The following ADAMTSL1 variants were observed in gnomAD, a reference collection of about 807,000 sequenced individuals.
ADAMTSL1 encodes ADAMTS-like protein 1.
ADAMTSL1 carries 126 observed loss-of-function variants against 201.8 expected under a neutral mutation model. The ratio of observed to expected loss-of-function variants is 0.62; its 90% CI spans 0.54 to 0.72. ADAMTSL1 has a LOEUF of 0.72. Among genes scored for constraint, ADAMTSL1 ranks in the 30% least tolerant of loss-of-function variants. ADAMTSL1 has a pLI of 0.00. For missense variants in ADAMTSL1, 2,679 were observed against 2,277.8 expected (o/e 1.18, Z -3.59); for synonymous variants, 1,121 against 903.4 (o/e 1.24, Z -4.32).
At position 18,427,257 on chromosome 9, in the gene ADAMTSL1, G is replaced by A. The variant is rs969298522; in HGVS notation, c.208-77572G>A. Among the ~76,000 whole-genome samples, 9 of 152,338 alleles carry A rather than the reference G, an allele frequency of 5.9e-5. No individual in the cohort carries two copies. The East Asian group carries it at 1.5e-3, about 26-fold the overall frequency. ...CTATAGTTAGAAAGATCCCAGTTTA[G>A]ATTTGTACTAATCGACTTGCTGAAT... On this transcript the variant is annotated intron_variant, in intron 2 of 29. Coordinates refer to the ADAMTSL1 transcript ENST00000680146.
chr9:17,945,926 C>A (rs563359700), intron 1 of ADAMTSL1, among the ~76,000 whole-genome samples: 1 of 151,652 alleles, frequency 6.6e-6, no homozygotes, highest in African/African-American at 2.4e-5. Context: ...TGTAACTAAC[C>A]TGCACATGGT....
At chr9:18,472,827 C>G (rs1203999506), upstream of ADAMTSL1, among the ~76,000 whole-genome samples, 2 of 152,234 alleles carry the variant, frequency 1.3e-5, no homozygotes, top group African/African-American at 4.8e-5. Flanking sequence ...CCTGATGACA[C>G]ACCTATGGCA....
At chr9:18,719,466 G>A (rs1833189672) in intron 14 of ADAMTSL1, among the ~76,000 whole-genome samples, 3 of 152,072 alleles carry the variant, frequency 2.0e-5, no homozygotes, top group Admixed American at 2.0e-4. Flanking sequence ...CCATGTTTCA[G>A]CAATTCTCCT....
chr9:18,365,412 A>G (rs1449347586), intron 2 of ADAMTSL1, among the ~76,000 whole-genome samples: 2 of 152,166 alleles, frequency 1.3e-5, no homozygotes, highest in Non-Finnish European at 2.9e-5. Flanking sequence ...CAACAAAGCA[A>G]AGGATTGATT....
intron 13 of ADAMTSL1, among the ~76,000 whole-genome samples, chr9:18,705,171 A>C (rs1241379981): frequency 1.3e-5 from 2 of 152,208 alleles, no homozygotes; most frequent in African/African-American, 2.4e-5. Context: ...AACCATTTGC[A>C]CTTGCTAGCA....
At chr9:18,527,283 A>T (rs1819139179) in intron 2 of ADAMTSL1, among the ~76,000 whole-genome samples, 1 of 152,230 alleles carries the variant, frequency 6.6e-6, no homozygotes, top group Non-Finnish European at 1.5e-5. Context: ...TCAGAGATAA[A>T]GCCTGGGGTG....
At chr9:18,371,528 A>G (rs1370393570) in intron 2 of ADAMTSL1, among the ~76,000 whole-genome samples, 2 of 152,230 alleles carry the variant, frequency 1.3e-5, no homozygotes, top group Admixed American at 1.3e-4. Context: ...TTATAAATAT[A>G]TGTTTGCTAA....
chr9:18,637,022 GC>G (rs1827148808), intron 6 of ADAMTSL1, among the ~76,000 whole-genome samples: 1 of 152,068 alleles, frequency 6.6e-6, no homozygotes, highest in Non-Finnish European at 1.5e-5. Context: ...ACAAATTGAA[GC>G]CCATAAAAGT....
chr9:17,921,315 A>G (rs1826290007), intron 1 of ADAMTSL1, among the ~76,000 whole-genome samples: 1 of 152,154 alleles, frequency 6.6e-6, no homozygotes, highest in South Asian at 2.1e-4. Context: ...CCTACAGGCC[A>G]CATGGTTTGG....
chr9:18,705,909 G>GTGAT (rs1832204633), intron 13 of ADAMTSL1, among the ~76,000 whole-genome samples: 2 of 152,186 alleles, frequency 1.3e-5, no homozygotes, highest in African/African-American at 4.8e-5. Context: ...TGGAGTCACA[G>GTGAT]GGCAAACCCC....
At chr9:17,980,160 TTTTC>T (rs1348862729) in intron 1 of ADAMTSL1, among the ~76,000 whole-genome samples, 1 of 152,156 alleles carries the variant, frequency 6.6e-6, no homozygotes, top group Non-Finnish European at 1.5e-5. Context: ...TAAATGAGTA[TTTTC>T]TTAGTTCTGT....
intron 1 of ADAMTSL1, among the ~76,000 whole-genome samples, chr9:17,966,371 G>A (rs929587929): frequency 2.6e-5 from 4 of 152,090 alleles, no homozygotes; most frequent in Admixed American, 6.6e-5. Context: ...ATGACTTAAT[G>A]AAGTTGAAGG....
At chr9:18,353,698 G>A (rs1278587549) in intron 2 of ADAMTSL1, among the ~76,000 whole-genome samples, 1 of 152,104 alleles carries the variant, frequency 6.6e-6, no homozygotes, top group Non-Finnish European at 1.5e-5. Flanking sequence ...CTCCACCAGG[G>A]CACAATGGAA....
At chr9:18,492,216 C>T (rs1253845148) in intron 1 of ADAMTSL1, among the ~76,000 whole-genome samples, 3 of 152,020 alleles carry the variant, frequency 2.0e-5, no homozygotes, top group African/African-American at 7.2e-5. Flanking sequence ...ATAATACAAA[C>T]ATCACAGGAA....
chr9:18,403,986 C>T (rs937436879), intron 2 of ADAMTSL1, among the ~76,000 whole-genome samples: 6 of 151,998 alleles, frequency 3.9e-5, no homozygotes, highest in Non-Finnish European at 8.8e-5. Flanking sequence ...TTGAGTGCCC[C>T]GTGGAAGGAT....
intron 23 of ADAMTSL1, among the ~76,000 whole-genome samples, chr9:18,834,803 A>C (rs1309114833): frequency 6.6e-6 from 1 of 152,226 alleles, no homozygotes; most frequent in Non-Finnish European, 1.5e-5. Flanking sequence ...AACATGGATC[A>C]ACAGGGCATT....
chr9:18,361,868 C>T (rs763900276), intron 2 of ADAMTSL1, among the ~76,000 whole-genome samples: 10 of 152,172 alleles, frequency 6.6e-5, no homozygotes, highest in South Asian at 2.1e-4. Context: ...AAATTCATCA[C>T]GCACAATTAT....
chr9:18,560,654 G>A (rs1036251310), intron 3 of ADAMTSL1, among the ~76,000 whole-genome samples: 7 of 151,608 alleles, frequency 4.6e-5, no homozygotes, highest in Admixed American at 1.3e-4. Context: ...TTTTTGGTTG[G>A]TAGGCTATTA....
At chr9:18,395,380 T>C (rs2133239942) in intron 2 of ADAMTSL1, among the ~76,000 whole-genome samples, 1 of 152,288 alleles carries the variant, frequency 6.6e-6, no homozygotes, top group South Asian at 2.1e-4. Context: ...CGATCTAAAG[T>C]TTGCAGCATT....
Sources: gnomAD v4.1 joint callset for allele counts (sites outside exome capture counted in the v4.1 genomes callset) on GRCh38, gnomAD v4.1.1 for gene constraint, MANE v1.5 for transcripts, NCBI Gene and HGNC (gene_info 2026-07-23, HGNC 2026-07-21) for gene names.